Variants in KDM2B observed in about 807,000 individuals in gnomAD.
The protein encoded by KDM2B is lysine-specific demethylase 2B.
A neutral mutation model predicts 150.0 loss-of-function variants in KDM2B; 26 were observed. The ratio of observed to expected loss-of-function variants is 0.17; its 90% CI spans 0.13 to 0.24. KDM2B has a LOEUF of 0.24. KDM2B is among the 10% of genes least tolerant of loss of function. The pLI is 1.00. For synonymous variants in KDM2B, 734 were observed against 729.5 expected (o/e 1.01, Z -0.10); for missense variants, 1,265 against 1,816.9 (o/e 0.70, Z 5.52).
intron 12 of KDM2B, among the ~76,000 whole-genome samples, chr12:121,477,665 C>T (rs1353391266): frequency 6.7e-6 from 1 of 150,024 alleles, no homozygotes; most frequent in Non-Finnish European, 1.5e-5. Flanking sequence ...GCAACTTCTG[C>T]CTCCCGGGTT....
At chr12:121,568,546 G>C (rs1020979812) in intron 4 of KDM2B, among the ~76,000 whole-genome samples, 21 of 152,030 alleles carry the variant, frequency 1.4e-4, no homozygotes, top group Admixed American at 1.2e-3. Flanking sequence ...CAATATGGAC[G>C]AATTGTATAT....
chr12:121,549,056 G>C lies in KDM2B; in HGVS notation c.577-73C>G. ...AGACACAAATACCCCTTTCCCCGGA[G>C]AGTCCTTGGGCCCCCCCGCTCCCCC... On this transcript the variant is annotated intron_variant, in intron 5 of 22. Coordinates refer to ENST00000377071, the MANE Select transcript of KDM2B (RefSeq NM_032590.5). This position sits in a 1 kb window ranked among gnomAD's most constrained non-coding sequence, Gnocchi z 4.4. 1 of 1,255,422 alleles carries C rather than the reference G, an allele frequency of 8.0e-7. No individual in the cohort carries two copies. Among genetic ancestry groups the C allele is most frequent in the East Asian group, 2.3e-5 (1 of 42,560 alleles). 77.8% of individuals were successfully genotyped at this position (1,255,422 alleles called of 1,614,324 possible). A position where few individuals can be genotyped will look rare whatever the true frequency, so the allele number is the denominator to read the frequency against.
Position 121,510,984 on chromosome 12 carries a change from G to T in KDM2B, c.1175-945C>A, listed in dbSNP as rs77452935. On this transcript the variant is annotated intron_variant, in intron 10 of 22. Coordinates refer to ENST00000377071, the MANE Select transcript of KDM2B (RefSeq NM_032590.5). ...AGGGAGATGAGACAACAGCTGAAGGGTATGAGTTTCTTTCTTTTCTTTTGT... is the reference window on the plus strand; with the variant it reads ...AGGGAGATGAGACAACAGCTGAAGGTTATGAGTTTCTTTCTTTTCTTTTGT... Among the ~76,000 whole-genome samples the T allele has an allele frequency of 1.1e-4, 16 of 151,232 alleles. No homozygotes were observed. The East Asian group carries it at 3.1e-3, about 29-fold the overall frequency.
At chr12:121,451,913 G>GA (rs549982500) in intron 13 of KDM2B, among the ~76,000 whole-genome samples, 44 of 141,136 alleles carry the variant, frequency 3.1e-4, no homozygotes, top group East Asian at 8.2e-4. Context: ...CTCCATCTCA[G>GA]AAAAAAAAAA....
chr12:121,432,668 AT>A (rs1555285829), intron 22 of KDM2B, among the ~76,000 whole-genome samples: 2 of 152,168 alleles, frequency 1.3e-5, no homozygotes, highest in Admixed American at 1.3e-4. Context: ...CAGGCTAGAC[AT>A]TTTCAGCAAG....
chr12:121,577,026 A>G (rs530783403), intron 2 of KDM2B, among the ~76,000 whole-genome samples: 1 of 152,218 alleles, frequency 6.6e-6, no homozygotes, highest in Non-Finnish European at 1.5e-5. Context: ...AAGGAAGAGA[A>G]GTTTAAGAAG....
chr12:121,469,183 A>G (rs1880462150), intron 12 of KDM2B: 1 of 150,980 alleles, frequency 6.6e-6, no homozygotes. Flanking sequence ...GGCATGAGCC[A>G]CCATGCCCGG....
At chr12:121,439,009 A>C (rs1161179621) in intron 22 of KDM2B, among the ~76,000 whole-genome samples, 1 of 152,168 alleles carries the variant, frequency 6.6e-6, no homozygotes, top group African/African-American at 2.4e-5. Context: ...AGTCCTTCAG[A>C]ACCAACTGCC....
chr12:121,579,481 G>C (rs1210733364), intron 1 of KDM2B: 1 of 787,224 alleles, frequency 1.3e-6, no homozygotes, highest in East Asian at 6.8e-5. Flanking sequence ...TGGAAGGGCT[G>C]AGACCCCAGC....
chr12:121,504,617 AGGGTAT>A (rs1884881545), intron 11 of KDM2B, among the ~76,000 whole-genome samples: 1 of 152,184 alleles, frequency 6.6e-6, no homozygotes, highest in East Asian at 1.9e-4. Flanking sequence ...CGCAGTGAAG[AGGGTAT>A]GGGACGTGGC....
At position 121,576,820 on chromosome 12, in the gene KDM2B, GAGA is replaced by G. The variant is rs1278512433; in HGVS notation, c.272-964_272-962del. ...GAAGGCCTCTCCGACCGTCAGAAGG[GAGA>G]AGAAGAGGCCTCAGGCCACTGAAGC... On this transcript the variant is annotated intron_variant, in intron 2 of 22. Transcript: ENST00000377071. Among the ~76,000 whole-genome samples, 14 of 152,304 alleles carry G rather than the reference GAGA, an allele frequency of 9.2e-5. No homozygotes were observed. The East Asian group carries it at 1.2e-3, about 13-fold the overall frequency.
At position 121,544,967 on chromosome 12, in the gene KDM2B, C is replaced by A. The variant is rs577149339; in HGVS notation, c.683+3910G>T. 7.9e-5 allele frequency among the ~76,000 whole-genome samples: 12 copies of A among 151,914 alleles called. No individual in the cohort carries two copies. The East Asian group carries it at 2.3e-3, about 29-fold the overall frequency. On this transcript the variant is annotated intron_variant, in intron 6 of 22. Coordinates refer to ENST00000377071, the MANE Select transcript of KDM2B (RefSeq NM_032590.5). The stretch of plus-strand genomic sequence containing the variant: ...ATTCCTAAGCCCATCACCAAAAGTC[C>A]TGGAGCCGGGTGGGGGAAGCAGTCG...
intron 4 of KDM2B, among the ~76,000 whole-genome samples, chr12:121,554,033 C>CCACACACA (rs56659514): frequency 0.034 from 4,131 of 122,070 alleles, 97 homozygotes; most frequent in Middle Eastern, 0.075. Context: ...CACCCCAGCT[C>CCACACACA]CACACACACA....
intron 13 of KDM2B, among the ~76,000 whole-genome samples, chr12:121,448,560 C>T (rs903953775): frequency 2.0e-5 from 3 of 152,108 alleles, no homozygotes; most frequent in Non-Finnish European, 4.4e-5. Flanking sequence ...GGCAGGTCAG[C>T]CTCATCCCGC....
intron 12 of KDM2B, among the ~76,000 whole-genome samples, chr12:121,492,199 A>G (rs1156885249): frequency 2.6e-5 from 4 of 152,162 alleles, no homozygotes; most frequent in African/African-American, 9.7e-5. Context: ...CCACATAGGT[A>G]CTTTTGAGTT....
intron 8 of KDM2B, among the ~76,000 whole-genome samples, chr12:121,532,576 C>G (rs1217436949): frequency 3.3e-5 from 5 of 152,218 alleles, no homozygotes; most frequent in Non-Finnish European, 5.9e-5. Context: ...CTGAGAGGGC[C>G]CAAGGCCTTC....
chr12:121,450,322 A>G (rs1457151699), intron 13 of KDM2B, among the ~76,000 whole-genome samples: 1 of 152,022 alleles, frequency 6.6e-6, no homozygotes, highest in African/African-American at 2.4e-5. Context: ...TCAAAAAAAA[A>G]AAAGAAAGAA....
chr12:121,421,599 T>G, the KDM2B span, among the ~76,000 whole-genome samples: 1 of 152,092 alleles, frequency 6.6e-6, no homozygotes, highest in Non-Finnish European at 1.5e-5. Flanking sequence ...GGCACAGAAA[T>G]TCTTCCTCAG....
At position 121,441,058 on chromosome 12, in the gene KDM2B, C is replaced by T. The variant is rs1566259795; in HGVS notation, c.3448+12G>A. Reference sequence around the variant, plus strand: ...CAGCAGACACACTCGGGGCCACTGGCCCAGGGCTCACCAGGCAGCCGGTTG... The same window carrying T: ...CAGCAGACACACTCGGGGCCACTGGTCCAGGGCTCACCAGGCAGCCGGTTG... On this transcript the variant is annotated intron_variant, in intron 20 of 22. Transcript: ENST00000377071. 4 of 1,613,962 alleles carry T rather than the reference C, an allele frequency of 2.5e-6. No individual in the cohort carries two copies. The highest frequency in any genetic ancestry group is 3.4e-6 in the Non-Finnish European group (4 of 1,179,928).
Sources: allele counts gnomAD v4.1 joint callset (sites outside exome capture counted in the v4.1 genomes callset), GRCh38; gene constraint gnomAD v4.1.1; non-coding constraint Gnocchi (gnomAD v3.1); transcripts MANE v1.5; gene names NCBI Gene and HGNC (gene_info 2026-07-23, HGNC 2026-07-21).